The following HSD17B12 variants were observed in gnomAD, a reference collection of about 807,000 sequenced individuals.
The protein encoded by HSD17B12 is very-long-chain 3-oxoacyl-CoA reductase.
In HSD17B12, 32 loss-of-function variants were observed where a neutral mutation model predicts 39.3. The ratio of observed to expected loss-of-function variants is 0.81; its 90% confidence interval spans 0.61 to 1.09. The LOEUF is 1.09. HSD17B12 is among the 50% of genes least tolerant of loss of function. The pLI, the probability that HSD17B12 is intolerant of heterozygous loss-of-function variation, is 0.00. For synonymous variants in HSD17B12, 150 were observed against 146.7 expected, an observed-to-expected ratio of 1.02 and a Z score of -0.16; for missense variants, 342 against 382.9, an observed-to-expected ratio of 0.89 and a Z score of 0.89.
At chr11:43,834,848 G>A (rs1951353486) in intron 7 of HSD17B12, among the ~76,000 whole-genome samples, 2 of 151,954 alleles carry the variant, frequency 1.3e-5, no homozygotes, top group African/African-American at 4.8e-5. Flanking sequence ...ATATGAAAAG[G>A]TACTTTCCTG....
intron 1 of HSD17B12, among the ~76,000 whole-genome samples, chr11:43,720,896 T>G (rs1950170195): frequency 6.6e-6 from 1 of 152,176 alleles, no homozygotes; most frequent in South Asian, 2.1e-4. Flanking sequence ...AGATTTTATC[T>G]AGAAGGTTAT....
chr11:43,774,317 G>A (rs536835410), intron 3 of HSD17B12, among the ~76,000 whole-genome samples: 9 of 151,974 alleles, frequency 5.9e-5, no homozygotes, highest in East Asian at 1.9e-4. Context: ...AGGTTCAAGC[G>A]GTACTCCTGC....
chr11:43,609,180 T>C, the HSD17B12 span, among the ~76,000 whole-genome samples: 8 of 151,936 alleles, frequency 5.3e-5, no homozygotes, highest in Non-Finnish European at 7.4e-5. Context: ...GCTCAAGTGA[T>C]CTGCCCACCT....
intron 3 of HSD17B12, among the ~76,000 whole-genome samples, chr11:43,777,037 T>C (rs917406817): frequency 1.3e-5 from 2 of 152,186 alleles, no homozygotes; most frequent in Non-Finnish European, 2.9e-5. Flanking sequence ...AGTCAGGTAG[T>C]GTGATGCCTC....
chr11:43,840,626 A>C (rs971425881), intron 9 of HSD17B12, among the ~76,000 whole-genome samples: 1 of 152,100 alleles, frequency 6.6e-6, no homozygotes, highest in African/African-American at 2.4e-5. Flanking sequence ...GGAATCATAC[A>C]GTATTTGATC....
chr11:43,589,210 T>C, the HSD17B12 span, among the ~76,000 whole-genome samples: 1 of 152,200 alleles, frequency 6.6e-6, no homozygotes, highest in African/African-American at 2.4e-5. Flanking sequence ...TCTTTCCTTC[T>C]TCTGACTTTA....
the HSD17B12 span, among the ~76,000 whole-genome samples, chr11:43,572,874 C>T: frequency 6.6e-6 from 1 of 152,190 alleles, no homozygotes; most frequent in African/African-American, 2.4e-5. Flanking sequence ...TAGACTTCCT[C>T]CCTGAGGGAC....
intron 4 of HSD17B12, among the ~76,000 whole-genome samples, chr11:43,806,769 G>A (rs1951022337): frequency 6.6e-6 from 1 of 152,144 alleles, no homozygotes; most frequent in Non-Finnish European, 1.5e-5. Context: ...AGCTGGGTTA[G>A]ATCATTTGGA....
chr11:43,672,793 G>A, the HSD17B12 span, among the ~76,000 whole-genome samples: 4 of 152,056 alleles, frequency 2.6e-5, no homozygotes, highest in Non-Finnish European at 5.9e-5. Flanking sequence ...CGCCTGCCTC[G>A]GCCTCCCAAA....
At chr11:43,654,774 T>C in the HSD17B12 span, among the ~76,000 whole-genome samples, 3 of 152,234 alleles carry the variant, frequency 2.0e-5, no homozygotes, top group Non-Finnish European at 4.4e-5. Context: ...TTGGTACCAG[T>C]ACCATGCTGT....
chr11:43,634,451 TC>T, the HSD17B12 span, among the ~76,000 whole-genome samples: 1 of 151,720 alleles, frequency 6.6e-6, no homozygotes, highest in Non-Finnish European at 1.5e-5. Flanking sequence ...GCATTTTTTT[TC>T]CTCTGAGCCT....
At chr11:43,571,353 A>T in the HSD17B12 span, among the ~76,000 whole-genome samples, 2 of 152,138 alleles carry the variant, frequency 1.3e-5, no homozygotes, top group African/African-American at 4.8e-5. Context: ...GCTAAGCTCA[A>T]GTGTGCTGGA....
At chr11:43,630,257 C>A in the HSD17B12 span, among the ~76,000 whole-genome samples, 1 of 152,126 alleles carries the variant, frequency 6.6e-6, no homozygotes, top group Non-Finnish European at 1.5e-5. Flanking sequence ...CTGGGCAAAT[C>A]ATTTCCTTTC....
At chr11:43,826,600 G>A (rs766592775) in intron 6 of HSD17B12, among the ~76,000 whole-genome samples, 25 of 152,112 alleles carry the variant, frequency 1.6e-4, no homozygotes, top group Non-Finnish European at 2.9e-4. Context: ...AAAATGGCAA[G>A]GCAGGGCTCT....
the HSD17B12 span, among the ~76,000 whole-genome samples, chr11:43,634,798 T>C: frequency 6.6e-6 from 1 of 152,140 alleles, no homozygotes; most frequent in Non-Finnish European, 1.5e-5. Context: ...CATAACAGAA[T>C]TGGTTGGAAT....
intron 1 of HSD17B12, among the ~76,000 whole-genome samples, chr11:43,695,844 A>G (rs951319853): frequency 6.6e-6 from 1 of 152,156 alleles, no homozygotes; most frequent in Non-Finnish European, 1.5e-5. Context: ...ATAAATACAT[A>G]TATTTCTAAC....
chr11:43,564,898 CTTTT>C, the HSD17B12 span, among the ~76,000 whole-genome samples: 3 of 140,590 alleles, frequency 2.1e-5, no homozygotes, highest in Non-Finnish European at 4.6e-5. Context: ...CTTTCTTCTT[CTTTT>C]TTTTTTTTTT....
the HSD17B12 span, chr11:43,581,522 A>C: frequency 2.1e-6 from 1 of 467,556 alleles, no homozygotes; most frequent in Admixed American, 2.3e-5. This position sits in a 1 kb window ranked among gnomAD's most constrained non-coding sequence, Gnocchi z 4.9. Context: ...GCGATCGCCG[A>C]AGCCCGCACC....
At chr11:43,770,335 C>T (rs1337816126) in intron 3 of HSD17B12, among the ~76,000 whole-genome samples, 5 of 152,186 alleles carry the variant, frequency 3.3e-5, no homozygotes, top group Non-Finnish European at 7.3e-5. Context: ...GATGGGAATG[C>T]TCCTGTCAAG....
Sources: allele counts gnomAD v4.1 joint callset (sites outside exome capture counted in the v4.1 genomes callset), GRCh38; gene constraint gnomAD v4.1.1; non-coding constraint Gnocchi (gnomAD v3.1); transcripts MANE v1.5; gene names NCBI Gene and HGNC (gene_info 2026-07-23, HGNC 2026-07-21).